TLCD3A: variants seen among roughly 807,000 people sequenced by gnomAD.
The protein encoded by TLCD3A is TLC domain-containing protein 3A.
A neutral mutation model predicts 29.9 loss-of-function variants in TLCD3A; 17 were observed. The ratio of observed to expected loss-of-function variants is 0.57; its 90% CI spans 0.39 to 0.85. TLCD3A has a LOEUF of 0.85. TLCD3A is among the 40% of genes least tolerant of loss of function. TLCD3A has a pLI of 0.00. For synonymous variants in TLCD3A, 143 were observed against 147.7 expected (o/e 0.97, Z 0.23); for missense variants, 332 against 350.8 (o/e 0.95, Z 0.43).
chr17:740,111 GA>G (rs1365344543), intron 3 of TLCD3A, among the ~76,000 whole-genome samples: 11 of 152,172 alleles, frequency 7.2e-5, no homozygotes, highest in African/African-American at 2.7e-4. Context: ...AAGTGTCTGG[GA>G]CCTACCATCT....
chr17:734,781 A>C (rs1974129513), intron 2 of TLCD3A, among the ~76,000 whole-genome samples: 2 of 152,210 alleles, frequency 1.3e-5, no homozygotes, highest in African/African-American at 4.8e-5. Context: ...AGATTCTTAA[A>C]GGATTCAGAC....
chr17:738,453 A>G (rs561709836), intron 3 of TLCD3A, among the ~76,000 whole-genome samples: 27 of 151,508 alleles, frequency 1.8e-4, no homozygotes, highest in Middle Eastern at 3.4e-3. Context: ...TTTCTTTGCC[A>G]CTCATAGGCA....
chr17:741,293 T>G lies in TLCD3A; in HGVS notation c.505-8T>G, dbSNP rs1974248941. On this transcript the variant is annotated splice_polypyrimidine_tract_variant and splice_region_variant and intron_variant, in intron 4 of 4. Coordinates refer to ENST00000308278, the MANE Select transcript of TLCD3A (RefSeq NM_024792.3). ...GACCTTACCTTTTTCCTTCCTCTTC[T>G]ATTGCAGCTAAAGCAGCAGCACACC... The G allele has an allele frequency of 6.2e-7, 1 of 1,613,680 alleles. No homozygotes were observed. Among genetic ancestry groups the G allele is most frequent in the Admixed American group, 1.7e-5 (1 of 60,016 alleles).
chr17:741,297 G>A lies in TLCD3A; in HGVS notation c.505-4G>A, dbSNP rs1433507644. The A allele has an allele frequency of 1.9e-5, 30 of 1,613,632 alleles. No individual in the cohort carries two copies. Among genetic ancestry groups the A allele is most frequent in the Non-Finnish European group, 2.5e-5 (29 of 1,179,648 alleles). The stretch of plus-strand genomic sequence containing the variant: ...TTACCTTTTTCCTTCCTCTTCTATT[G>A]CAGCTAAAGCAGCAGCACACCCTTC... On this transcript the variant is annotated splice_polypyrimidine_tract_variant and splice_region_variant and intron_variant, in intron 4 of 4. Transcript: ENST00000308278.
intron 2 of TLCD3A, among the ~76,000 whole-genome samples, chr17:734,396 G>C (rs1467758381): frequency 1.3e-5 from 2 of 151,420 alleles, no homozygotes; most frequent in Non-Finnish European, 2.9e-5. Flanking sequence ...CTGTAGTCTT[G>C]AACTCCAGGG....
intron 2 of TLCD3A, among the ~76,000 whole-genome samples, chr17:736,703 T>C (rs1230942760): frequency 6.6e-6 from 1 of 152,236 alleles, no homozygotes; most frequent in East Asian, 1.9e-4. Flanking sequence ...TTGCCCAGGC[T>C]GGAGTGCAGT....
chr17:737,822 G>A lies in TLCD3A; in HGVS notation c.207-24G>A, dbSNP rs746739020. The stretch of plus-strand genomic sequence containing the variant: ...AATGGATATCCACAATGATTTCACG[G>A]GCCATTCATATGCTTTCTTTCAGGC... On this transcript the variant is annotated intron_variant, in intron 2 of 4. Coordinates refer to ENST00000308278, the MANE Select transcript of TLCD3A (RefSeq NM_024792.3). 15 of 1,607,838 alleles carry A rather than the reference G, an allele frequency of 9.3e-6. No homozygotes were observed. In the Admixed American group the frequency reaches 1.0e-4, roughly 11 times the overall value.
intron 3 of TLCD3A, among the ~76,000 whole-genome samples, chr17:738,504 C>T (rs939411526): frequency 6.6e-6 from 1 of 152,204 alleles, no homozygotes; most frequent in Non-Finnish European, 1.5e-5. Flanking sequence ...CCACCTCCCC[C>T]AGGTGAATAG....
intron 3 of TLCD3A, among the ~76,000 whole-genome samples, 175 bp from the exon 4 acceptor site, chr17:740,330 G>C (rs1173330484): frequency 6.6e-6 from 1 of 152,182 alleles, no homozygotes; most frequent in Non-Finnish European, 1.5e-5. Flanking sequence ...TGGATCCTAG[G>C]GCTTGGACCA....
intron 2 of TLCD3A, 52 bp downstream of exon 2, chr17:733,233 C>G: frequency 6.9e-7 from 1 of 1,440,100 alleles, no homozygotes; most frequent in African/African-American, 1.5e-5. Flanking sequence ...CAGTAGCTCG[C>G]AGGCTCTGGC....
Position 732,614 on chromosome 17 carries a change from C to A in TLCD3A, c.-34C>A, listed in dbSNP as rs1261030745. Reference sequence around the variant, plus strand: ...GCGCGCCGAGCCGAACCCAGCCACGCGGCGCCAGCGAGGCGGCCGGACCCG... The same window carrying A: ...GCGCGCCGAGCCGAACCCAGCCACGAGGCGCCAGCGAGGCGGCCGGACCCG... On this transcript the variant is annotated 5_prime_UTR_variant, in exon 1 of 5. Transcript: ENST00000308278. 18 of 1,213,034 alleles carry A rather than the reference C, an allele frequency of 1.5e-5. No homozygotes were observed. The highest frequency in any genetic ancestry group is 8.9e-5 in the Admixed American group (2 of 22,414). The allele number at this position is 1,213,034 out of a possible 1,614,324, so 75.1% of individuals were successfully genotyped here.
intron 2 of TLCD3A, among the ~76,000 whole-genome samples, chr17:736,139 G>A (rs971063922): frequency 5.7e-4 from 87 of 152,132 alleles, no homozygotes; most frequent in Admixed American, 4.6e-4. Context: ...TGGCGCCTCC[G>A]TAGACTGTAT....
rs562239336 is a variant in TLCD3A at position 740,620 on chromosome 17, CAGAG to C, written c.504+23_504+26del. 5.8e-5 allele frequency: 92 copies of C among 1,599,480 alleles called. No homozygotes were observed. The African/African-American group carries it at 6.7e-4, about 12-fold the overall frequency. On this transcript the variant is annotated intron_variant, in intron 4 of 4. Coordinates refer to ENST00000308278, the MANE Select transcript of TLCD3A (RefSeq NM_024792.3). The stretch of plus-strand genomic sequence containing the variant: ...ATTCAGGCATGTATGAATGAAATGA[CAGAG>C]AGTGTGAGGGTTCTGATTCAGGCAT...
At position 733,156 on chromosome 17, in the gene TLCD3A, T is replaced by C; in HGVS notation, c.181T>C (p.Ser61Pro). The C allele has an allele frequency of 6.3e-7, 1 of 1,575,642 alleles. No homozygotes were observed. The highest frequency in any genetic ancestry group is 8.6e-7 in the Non-Finnish European group (1 of 1,163,038). ...ATGSGIVIIR[S>P]CDDVITGRHW... ...CGGCTCGGGGATCGTCATCATTCGC[T>C]CCTGCGACGACGTGATCACCGGCAG... The change falls in exon 2 of 5, where the codon TCC becomes CCC. Residue 61 changes from serine to proline, a missense_variant. Transcript: ENST00000308278.
rs948681214 is a variant in TLCD3A at position 742,396 on chromosome 17, C to T, written c.*826C>T. The T allele has an allele frequency of 3.9e-5, 6 of 152,188 alleles. No individual in the cohort carries two copies. The highest frequency in any genetic ancestry group is 1.3e-4 in the Admixed American group (2 of 15,274). 9.4% of individuals were successfully genotyped at this position (152,188 alleles called of 1,614,324 possible). A position where few individuals can be genotyped will look rare whatever the true frequency, so the allele number is the denominator to read the frequency against. ...GCGAGCTCATAAAACTACAGGGAAG[C>T]GTGAAATGATGGCTTTGGTAGCTGT... is the stretch of plus-strand genomic sequence containing the variant. On this transcript the variant is annotated 3_prime_UTR_variant, in exon 5 of 5. Coordinates refer to ENST00000308278, the MANE Select transcript of TLCD3A (RefSeq NM_024792.3).
In TLCD3A at chr17:732,777, C is replaced by T. The variant is rs1428012046; in HGVS notation, c.122+8C>T. 3 of 1,445,640 alleles carry T rather than the reference C, an allele frequency of 2.1e-6. No individual in the cohort carries two copies. Among genetic ancestry groups the T allele is most frequent in the Non-Finnish European group, 2.7e-6 (3 of 1,100,898 alleles). The allele number at this position is 1,445,640 out of a possible 1,614,324, so 89.6% of individuals were successfully genotyped here. A position where few individuals can be genotyped will look rare whatever the true frequency, so the allele number is the denominator to read the frequency against. Reference sequence around the variant, plus strand: ...CGTGATGATCAGCACCAGGTACCGGCGCCGCCGAGACGCCCCCCGAGGCCC... The same window carrying T: ...CGTGATGATCAGCACCAGGTACCGGTGCCGCCGAGACGCCCCCCGAGGCCC... On this transcript the variant is annotated splice_region_variant and intron_variant, in intron 1 of 4. Transcript: ENST00000308278.
At position 733,196 on chromosome 17, in the gene TLCD3A, C is replaced by A. The variant is rs1278105379; in HGVS notation, c.206+15C>A. The A allele has an allele frequency of 6.5e-7, 1 of 1,530,362 alleles. No individual in the cohort carries two copies. The highest frequency in any genetic ancestry group is 1.2e-5 in the South Asian group (1 of 81,908). The allele number at this position is 1,530,362 out of a possible 1,614,324, so 94.8% of individuals were successfully genotyped here. A position where few individuals can be genotyped will look rare whatever the true frequency, so the allele number is the denominator to read the frequency against. ...ATCACCGGCAGGTAAGAGCCCGGGC[C>A]GGGGCCTTGTTGCAAATGTCACATT... is the stretch of plus-strand genomic sequence containing the variant. On this transcript the variant is annotated intron_variant, in intron 2 of 4. Transcript: ENST00000308278.
rs185477300 is a variant in TLCD3A at position 740,838 on chromosome 17, G to A, written c.504+238G>A. ...AGGGAGTGGATTCTGCTTTTCCTTC[G>A]GAGATGGTGGGTGTGGAGAAATCCC... On this transcript the variant is annotated intron_variant, in intron 4 of 4. Transcript: ENST00000308278. 7.0e-4 allele frequency among the ~76,000 whole-genome samples: 107 copies of A among 152,184 alleles called. 1 individual carries two copies. Among genetic ancestry groups the A allele is most frequent in the South Asian group, 2.7e-3 (13 of 4,812 alleles).
rs1974185881 is a variant in TLCD3A, at chr17:738,028, T to C, written c.389T>C (p.Val130Ala). The C allele has an allele frequency of 8.7e-6, 14 of 1,603,450 alleles. No homozygotes were observed. The highest frequency in any genetic ancestry group is 1.1e-5 in the Non-Finnish European group (13 of 1,174,394). The change falls in exon 3 of 5, where the codon GTC becomes GCC. Residue 130 changes from valine to alanine, a missense_variant. Transcript: ENST00000308278. ...ACACATCATGCGGTCATTCTCTTTG[T>C]CCTTGTGCCAGTCGCACAGGTATGG... Reference protein sequence around the residue: ...MITHHAVILFVLVPVAQRLRG... With the variant: ...MITHHAVILFALVPVAQRLRG...
Sources: allele counts gnomAD v4.1 joint callset (sites outside exome capture counted in the v4.1 genomes callset), GRCh38; gene constraint gnomAD v4.1.1; transcripts MANE v1.5; gene names NCBI Gene and HGNC (gene_info 2026-07-23, HGNC 2026-07-21).